NRG1: variants seen among roughly 807,000 people sequenced by gnomAD.
NRG1 encodes pro-neuregulin-1, membrane-bound isoform.
NRG1 carries 18 observed loss-of-function variants against 63.8 expected under a neutral mutation model. The ratio of observed to expected loss-of-function variants is 0.28; its 90% CI spans 0.19 to 0.42. The LOEUF is 0.42. Ranked by LOEUF, NRG1 falls within the 10% of genes least tolerant of loss-of-function variation. The probability of loss-of-function intolerance (pLI) is 1.00; values close to 1 mark genes in which losing one functional copy is unlikely to be tolerated. For synonymous variants in NRG1, 302 were observed against 301.3 expected (o/e 1.00, Z -0.02); for missense variants, 762 against 814.7 (o/e 0.94, Z 0.79).
At chr8:31,853,029 TG>T (rs1433743295) in intron 1 of NRG1, among the ~76,000 whole-genome samples, 1 of 151,974 alleles carries the variant, frequency 6.6e-6, no homozygotes, top group African/African-American at 2.4e-5. Context: ...TAGTATAGTT[TG>T]AAGTCAGGTA....
intron 1 of NRG1, among the ~76,000 whole-genome samples, chr8:32,198,443 G>A (rs2132275398): frequency 6.6e-6 from 1 of 152,298 alleles, no homozygotes; most frequent in Non-Finnish European, 1.5e-5. Flanking sequence ...CTCCCAAAGT[G>A]CTGGGATTAC....
intron 1 of NRG1, among the ~76,000 whole-genome samples, chr8:32,265,038 C>T (rs1850773168): frequency 2.0e-5 from 3 of 152,000 alleles, no homozygotes; most frequent in African/African-American, 7.2e-5. Flanking sequence ...TTCCCTTTGT[C>T]ATCTAAAATT....
At chr8:31,798,813 A>G (rs1392408442) in intron 1 of NRG1, among the ~76,000 whole-genome samples, 1 of 152,140 alleles carries the variant, frequency 6.6e-6, no homozygotes, top group Non-Finnish European at 1.5e-5. Flanking sequence ...TGACATCAGA[A>G]TCACTGCTTT....
chr8:32,467,907 G>C (rs1414550506), intron 1 of NRG1, among the ~76,000 whole-genome samples: 1 of 152,156 alleles, frequency 6.6e-6, no homozygotes, highest in African/African-American at 2.4e-5. Context: ...GAAATTCCTA[G>C]TGCACAGAGC....
intron 1 of NRG1, among the ~76,000 whole-genome samples, chr8:31,983,573 G>T (rs185926698): frequency 6.6e-6 from 1 of 151,932 alleles, no homozygotes; most frequent in East Asian, 1.9e-4. Context: ...GCAGAAATGG[G>T]ATCTTGCTAT....
chr8:31,657,607 G>GT (rs974207052), intron 1 of NRG1, among the ~76,000 whole-genome samples: 1 of 152,086 alleles, frequency 6.6e-6, no homozygotes, highest in East Asian at 1.9e-4. Flanking sequence ...TCTTGGAATT[G>GT]TTTTTTTCAA....
chr8:32,450,377 T>G (rs893726566), intron 1 of NRG1, among the ~76,000 whole-genome samples: 2 of 151,948 alleles, frequency 1.3e-5, no homozygotes, highest in African/African-American at 4.8e-5. Context: ...GAATAGCCAC[T>G]GCACTCCTGC....
intron 1 of NRG1, among the ~76,000 whole-genome samples, chr8:32,042,264 G>A (rs1820179868): frequency 6.6e-6 from 1 of 151,868 alleles, no homozygotes; most frequent in Non-Finnish European, 1.5e-5. Flanking sequence ...GGCCAACAGT[G>A]AGACCAGGTT....
At chr8:32,177,479 A>G (rs1399585737) in intron 1 of NRG1, among the ~76,000 whole-genome samples, 2 of 152,056 alleles carry the variant, frequency 1.3e-5, no homozygotes, top group Non-Finnish European at 2.9e-5. Context: ...AAATTATAAT[A>G]AAAAAATTAA....
chr8:31,743,194 C>T (rs2131411434), intron 1 of NRG1, among the ~76,000 whole-genome samples: 1 of 152,066 alleles, frequency 6.6e-6, no homozygotes, highest in East Asian at 2.0e-4. Flanking sequence ...CCTTTCACAT[C>T]TTCCCCTCTC....
intron 1 of NRG1, among the ~76,000 whole-genome samples, chr8:32,248,007 CA>C (rs1395256800): frequency 6.6e-6 from 1 of 152,056 alleles, no homozygotes; most frequent in Non-Finnish European, 1.5e-5. Context: ...CCTTAGCTAG[CA>C]CTGACCACAG....
intron 1 of NRG1, among the ~76,000 whole-genome samples, chr8:32,163,347 G>A (rs1296559380): frequency 1.3e-5 from 2 of 152,188 alleles, no homozygotes; most frequent in African/African-American, 2.4e-5. Flanking sequence ...ATTGGCAGGA[G>A]CCCACAAGAC....
At chr8:32,360,926 C>T (rs546792039) in intron 1 of NRG1, among the ~76,000 whole-genome samples, 1 of 152,254 alleles carries the variant, frequency 6.6e-6, no homozygotes, top group South Asian at 2.1e-4. Flanking sequence ...CTGGCCCTGG[C>T]TATATCTGCC....
In NRG1 at chr8:32,465,955, T is replaced by C. The variant is rs12675777; in HGVS notation, c.38-129873T>C. Reference sequence around the variant, plus strand: ...AATAAACAAATACAAGAAGGATCTATCACAACAATGCTACAGTGATGAGCC... The same window carrying C: ...AATAAACAAATACAAGAAGGATCTACCACAACAATGCTACAGTGATGAGCC... On this transcript the variant is annotated intron_variant, in intron 1 of 10. Transcript: ENST00000519301. Among the ~76,000 whole-genome samples, 8,624 of 152,186 alleles carry C rather than the reference T, an allele frequency of 0.057. 1,175 individuals carry two copies. The East Asian group carries it at 0.62, about 11-fold the overall frequency.
chr8:31,764,995 T>A (rs967464104), intron 1 of NRG1, among the ~76,000 whole-genome samples: 26 of 150,870 alleles, frequency 1.7e-4, no homozygotes, highest in African/African-American at 6.3e-4. Context: ...CGGTGTTTGA[T>A]CTTCTTTGAT....
At chr8:32,128,467 T>G (rs1255622083) in intron 1 of NRG1, among the ~76,000 whole-genome samples, 2 of 151,976 alleles carry the variant, frequency 1.3e-5, no homozygotes, top group Non-Finnish European at 2.9e-5. Flanking sequence ...TGTGTCACAG[T>G]TCTTGACTAG....
chr8:32,764,027 C>T (rs1234930171), exon 12 of NRG1: 4 of 1,614,088 alleles, frequency 2.5e-6, no homozygotes, highest in Non-Finnish European at 8.5e-7. Context: ...CTGCTAGCCC[C>T]TTGAGGATAG....
chr8:32,129,566 C>CT (rs1180767803), intron 1 of NRG1, among the ~76,000 whole-genome samples: 4 of 151,966 alleles, frequency 2.6e-5, no homozygotes, highest in African/African-American at 9.7e-5. Context: ...TGCAAAGACT[C>CT]TATTTCCAAA....
chr8:32,478,089 T>C (rs1824755261), intron 1 of NRG1, among the ~76,000 whole-genome samples: 1 of 152,260 alleles, frequency 6.6e-6, no homozygotes, highest in Admixed American at 6.5e-5. Flanking sequence ...TGAGTGAGTG[T>C]TGCCACTTTG....
Sources: allele counts gnomAD v4.1 joint callset (sites outside exome capture counted in the v4.1 genomes callset), GRCh38; gene constraint gnomAD v4.1.1; transcripts MANE v1.5; gene names NCBI Gene and HGNC (gene_info 2026-07-23, HGNC 2026-07-21).